The following FOXP2 variants were observed in gnomAD, a reference collection of about 807,000 sequenced individuals.
The protein encoded by FOXP2 is forkhead box P2.
Under a neutral mutation model 115.8 loss-of-function variants are expected in FOXP2, and 12 were observed. That is an observed-to-expected ratio of 0.10 (90% CI 0.07 to 0.17). FOXP2 has a LOEUF of 0.17. Among genes scored for constraint, FOXP2 ranks in the 10% least tolerant of loss-of-function variants. The pLI, the probability that FOXP2 is intolerant of heterozygous loss-of-function variation, is 1.00. For missense variants in FOXP2, 629 were observed against 843.5 expected, an observed-to-expected ratio of 0.75 and a Z score of 3.15; for synonymous variants, 328 against 297.7, an observed-to-expected ratio of 1.10 and a Z score of -1.05.
In FOXP2 at chr7:114,378,701, A is replaced by AAAAAAAAAG. The variant is rs1554380027; in HGVS notation, c.-10-47801_-10-47800insAAAAAAAAG. ...CCTGTCTCCAAAAAAAAAAAAAAAA[A>AAAAAAAAAG]GGAAAAGAAAAAGAAAGAAAGTGAA... On this transcript the variant is annotated intron_variant, in intron 2 of 17. Transcript: ENST00000634411. Among the ~76,000 whole-genome samples the AAAAAAAAAG allele has an allele frequency of 4.1e-4, 44 of 106,798 alleles. 9 individuals are homozygous for AAAAAAAAAG. The highest frequency in any genetic ancestry group is 6.2e-4 in the Non-Finnish European group (33 of 53,046). The allele number at this position is 106,798 out of a possible 152,430, so 70.1% of individuals were successfully genotyped here.
chr7:114,411,523 G>A (rs1351195393), upstream of FOXP2, among the ~76,000 whole-genome samples: 4 of 152,078 alleles, frequency 2.6e-5, no homozygotes, highest in Non-Finnish European at 4.4e-5. Context: ...AAACAAAGCA[G>A]GCAGTTCTTC....
chr7:114,239,762 A>T (rs1369047046), intron 1 of FOXP2, among the ~76,000 whole-genome samples: 1 of 152,190 alleles, frequency 6.6e-6, no homozygotes, highest in African/African-American at 2.4e-5. Flanking sequence ...TGAGAAAAAA[A>T]ATCTCTATAA....
chr7:114,606,349 A>G (rs1269907071), intron 3 of FOXP2, among the ~76,000 whole-genome samples: 2 of 152,184 alleles, frequency 1.3e-5, no homozygotes, highest in Non-Finnish European at 2.9e-5. Flanking sequence ...AAGGGCCGGT[A>G]GATAAGTTAG....
intron 1 of FOXP2, among the ~76,000 whole-genome samples, chr7:114,175,390 T>C (rs1272366823): frequency 6.6e-6 from 1 of 152,166 alleles, no homozygotes; most frequent in East Asian, 1.9e-4. Context: ...CCATGATTAT[T>C]ACTCATTTTT....
intron 2 of FOXP2, among the ~76,000 whole-genome samples, chr7:114,520,532 A>G (rs559879428): frequency 5.1e-4 from 77 of 152,146 alleles, no homozygotes; most frequent in Admixed American, 1.2e-3. Context: ...AATAAATATT[A>G]ATTTGATAGA....
At chr7:114,468,587 TG>T (rs1379905155) in intron 2 of FOXP2, among the ~76,000 whole-genome samples, 5 of 152,098 alleles carry the variant, frequency 3.3e-5, no homozygotes, top group African/African-American at 1.2e-4. Flanking sequence ...TGCCTGTCTT[TG>T]CTCATGTTAT....
chr7:114,448,823 T>G (rs1410675834), intron 2 of FOXP2, among the ~76,000 whole-genome samples: 1 of 152,136 alleles, frequency 6.6e-6, no homozygotes, highest in Admixed American at 6.6e-5. Context: ...AGTTTTATTT[T>G]ATAGTACAGT....
chr7:114,638,902 A>G (rs2129331393), intron 6 of FOXP2, among the ~76,000 whole-genome samples: 1 of 152,286 alleles, frequency 6.6e-6, no homozygotes, highest in African/African-American at 2.4e-5. Context: ...ATTAAGAAAC[A>G]TTATTTGGAT....
chr7:114,324,018 A>G (rs1797494322), intron 2 of FOXP2, among the ~76,000 whole-genome samples: 2 of 151,832 alleles, frequency 1.3e-5, no homozygotes, highest in Non-Finnish European at 3.0e-5. Context: ...TTTCTGTGTC[A>G]CCATATGTTT....
upstream of FOXP2, chr7:114,086,327 G>C: frequency 2.5e-6 from 1 of 407,196 alleles, no homozygotes; most frequent in Admixed American, 2.8e-5. Context: ...GCGAGCCTCC[G>C]AGAAAGCGCG....
intron 2 of FOXP2, among the ~76,000 whole-genome samples, chr7:114,371,125 C>A (rs1271560580): frequency 6.6e-6 from 1 of 152,048 alleles, no homozygotes; most frequent in East Asian, 1.9e-4. Context: ...TGAGATAAGG[C>A]CTCTTTTGGC....
At chr7:114,658,986 GGT>G (rs1409863077) in intron 11 of FOXP2, among the ~76,000 whole-genome samples, 1 of 152,112 alleles carries the variant, frequency 6.6e-6, no homozygotes, top group African/African-American at 2.4e-5. Context: ...CAGATGCAGA[GGT>G]GAGCCTGTTG....
At chr7:114,244,133 T>A (rs1406085) in intron 1 of FOXP2, among the ~76,000 whole-genome samples, 12,884 of 152,196 alleles carry the variant, frequency 0.085, 1,348 homozygotes, top group African/African-American at 0.25. Flanking sequence ...TAATTTTTTA[T>A]AGTAAAATGT....
At chr7:114,249,309 T>C (rs575156645) in intron 1 of FOXP2, among the ~76,000 whole-genome samples, 2 of 152,250 alleles carry the variant, frequency 1.3e-5, no homozygotes, top group African/African-American at 2.4e-5. Flanking sequence ...TGTCAACCCA[T>C]CACCCAGATA....
rs59434205 is a variant in FOXP2 at position 114,432,494 on chromosome 7, A to T, written c.168+5815A>T. On this transcript the variant is annotated intron_variant, in intron 2 of 16. Transcript: ENST00000350908. ...AGGTTTTGCAGCTGACTGTATAGGT[A>T]AAGTACTGTTAAGGGTTTAAAAAGT... Among the ~76,000 whole-genome samples, 1,096 of 152,102 alleles carry T rather than the reference A, an allele frequency of 7.2e-3. 15 individuals are homozygous for T. Among genetic ancestry groups the T allele is most frequent in the African/African-American group, 0.025 (1,036 of 41,546 alleles).
At chr7:114,653,570 G>A (rs1413961605) in intron 9 of FOXP2, 1 of 345,648 alleles carries the variant, frequency 2.9e-6, no homozygotes, top group African/African-American at 2.1e-5. Context: ...ACAGCTGTTG[G>A]CACTAGTCCA....
At chr7:114,201,368 C>T (rs1307519502) in intron 1 of FOXP2, among the ~76,000 whole-genome samples, 2 of 152,074 alleles carry the variant, frequency 1.3e-5, no homozygotes, top group African/African-American at 2.4e-5. Flanking sequence ...GAGGCTGAGG[C>T]TGGAGGATCA....
chr7:114,570,450 A>G (rs1801241837), intron 3 of FOXP2, among the ~76,000 whole-genome samples: 1 of 151,928 alleles, frequency 6.6e-6, no homozygotes, highest in Non-Finnish European at 1.5e-5. Context: ...AGAACAAATA[A>G]CATCCCATAC....
chr7:114,689,234 T>C (rs1808532131), intron 16 of FOXP2, among the ~76,000 whole-genome samples: 1 of 152,134 alleles, frequency 6.6e-6, no homozygotes. Flanking sequence ...GGCATCCTGG[T>C]AATGAAGACG....
Sources: gnomAD v4.1 joint callset for allele counts (sites outside exome capture counted in the v4.1 genomes callset) on GRCh38, gnomAD v4.1.1 for gene constraint, MANE v1.5 for transcripts, NCBI Gene and HGNC (gene_info 2026-07-23, HGNC 2026-07-21) for gene names.